The following CRB1 variants were observed in gnomAD, a reference collection of about 807,000 sequenced individuals.
CRB1 encodes protein crumbs homolog 1.
Under a neutral mutation model 120.0 loss-of-function variants are expected in CRB1, and 83 were observed. The observed-to-expected ratio is 0.69, with a 90% CI of 0.58 to 0.83. The LOEUF is 0.83. Ranked by LOEUF, CRB1 falls within the 40% of genes least tolerant of loss-of-function variation. The probability of loss-of-function intolerance (pLI) is 0.00; values close to 1 mark genes in which losing one functional copy is unlikely to be tolerated. For synonymous variants in CRB1, 625 were observed against 612.5 expected, an observed-to-expected ratio of 1.02 and a Z score of -0.30; for missense variants, 1,699 against 1,687.6, an observed-to-expected ratio of 1.01 and a Z score of -0.12.
At chr1:197,470,072 G>T (rs905983385) in intron 11 of CRB1, among the ~76,000 whole-genome samples, 1 of 152,202 alleles carries the variant, frequency 6.6e-6, no homozygotes, top group Non-Finnish European at 1.5e-5. Context: ...AAGAAGCTCT[G>T]TGTTGATAAA....
intron 5 of CRB1, among the ~76,000 whole-genome samples, chr1:197,361,561 T>A (rs1010911625): frequency 9.9e-5 from 15 of 152,108 alleles, no homozygotes; most frequent in Non-Finnish European, 1.5e-5. Flanking sequence ...TCATGTTGGA[T>A]GATTGTAGTG....
chr1:197,413,204 A>C (rs1663800041), intron 5 of CRB1, among the ~76,000 whole-genome samples: 1 of 152,164 alleles, frequency 6.6e-6, no homozygotes, highest in Admixed American at 6.5e-5. Flanking sequence ...AAAAAGAATC[A>C]CTTTTTTTGT....
chr1:197,471,888 A>C (rs769136857), intron 11 of CRB1, among the ~76,000 whole-genome samples: 7 of 152,218 alleles, frequency 4.6e-5, no homozygotes, highest in Non-Finnish European at 1.0e-4. Context: ...TCTACTTGTC[A>C]GAATAGCAAT....
At chr1:197,416,618 G>A (rs555710453) in intron 5 of CRB1, among the ~76,000 whole-genome samples, 1 of 152,234 alleles carries the variant, frequency 6.6e-6, no homozygotes, top group African/African-American at 2.4e-5. Context: ...AGTGAATTAT[G>A]AAAGAAATAA....
intron 11 of CRB1, among the ~76,000 whole-genome samples, chr1:197,464,078 C>T (rs933038783): frequency 1.1e-4 from 17 of 152,168 alleles, no homozygotes; most frequent in Non-Finnish European, 2.5e-4. Flanking sequence ...CTCAGGTCCA[C>T]CCCACAAAGA....
intron 11 of CRB1, among the ~76,000 whole-genome samples, chr1:197,459,374 T>C (rs1489762278): frequency 6.6e-6 from 1 of 152,096 alleles, no homozygotes; most frequent in Non-Finnish European, 1.5e-5. Flanking sequence ...AAAATGCCAT[T>C]GACTGGGTAA....
chr1:197,475,189 A>G lies in CRB1; in HGVS notation c.4006-2475A>G, dbSNP rs560653999. Among the ~76,000 whole-genome samples the G allele has an allele frequency of 1.1e-3, 172 of 152,282 alleles. 1 individual carries two copies. Among genetic ancestry groups the G allele is most frequent in the African/African-American group, 3.9e-3 (163 of 41,564 alleles). On this transcript the variant is annotated intron_variant, in intron 11 of 11. Coordinates refer to ENST00000367400, the MANE Select transcript of CRB1 (RefSeq NM_201253.3). ...AGATGGAGTAGTAAACATATTTCTA[A>G]TGATCTAATAGTACTATATTCTTGA...
intron 1 of CRB1, among the ~76,000 whole-genome samples, chr1:197,299,934 A>C (rs565275754): frequency 2.6e-5 from 4 of 151,872 alleles, no homozygotes; most frequent in African/African-American, 9.7e-5. Flanking sequence ...CAATATCTCA[A>C]ACTTTTTCAG....
chr1:197,380,486 A>G (rs764042455), intron 5 of CRB1, among the ~76,000 whole-genome samples: 2 of 152,148 alleles, frequency 1.3e-5, no homozygotes, highest in Non-Finnish European at 2.9e-5. Context: ...AGTATCTCTG[A>G]TTTCCCCACA....
chr1:197,343,551 T>C (rs993038283), intron 2 of CRB1, among the ~76,000 whole-genome samples: 26 of 152,234 alleles, frequency 1.7e-4, no homozygotes, highest in African/African-American at 5.3e-4. Context: ...AATTACATTG[T>C]CACCAGTTTT....
At chr1:197,239,048 C>T in the CRB1 span, among the ~76,000 whole-genome samples, 113 of 152,124 alleles carry the variant, frequency 7.4e-4, 1 homozygote, top group East Asian at 0.02. Flanking sequence ...TTCAGTTGTC[C>T]ATTTGCATAT....
chr1:197,255,926 G>A, the CRB1 span, among the ~76,000 whole-genome samples: 1 of 133,834 alleles, frequency 7.5e-6, no homozygotes, highest in Non-Finnish European at 1.6e-5. Flanking sequence ...ATTCCCAACA[G>A]CATTCAAATT....
At chr1:197,346,748 C>T (rs1394242722) in intron 3 of CRB1, among the ~76,000 whole-genome samples, 1 of 152,198 alleles carries the variant, frequency 6.6e-6, no homozygotes, top group Non-Finnish European at 1.5e-5. Flanking sequence ...TAATTCCAGT[C>T]ATTCCGTTAA....
chr1:197,279,517 T>A (rs1163252616), intron 1 of CRB1, among the ~76,000 whole-genome samples: 1 of 151,216 alleles, frequency 6.6e-6, no homozygotes, highest in African/African-American at 2.4e-5. Context: ...ATATCAAATT[T>A]TTTTTTGTTT....
chr1:197,334,334 T>C (rs1396056312), intron 2 of CRB1, among the ~76,000 whole-genome samples: 1 of 152,184 alleles, frequency 6.6e-6, no homozygotes, highest in African/African-American at 2.4e-5. Context: ...AGGTACTTGA[T>C]GATATGATTT....
At chr1:197,339,423 A>G (rs1297845487) in intron 2 of CRB1, among the ~76,000 whole-genome samples, 1 of 152,200 alleles carries the variant, frequency 6.6e-6, no homozygotes, top group Non-Finnish European at 1.5e-5. Context: ...AAAAGCCCCA[A>G]AATAGCATAC....
chr1:197,421,620 C>G lies in CRB1; in HGVS notation c.1792C>G (p.Pro598Ala). The change falls in exon 6 of 12, where the codon CCA becomes GCA. Residue 598 changes from proline (P) to alanine (A), a missense_variant. By Grantham distance (27) the Pro-to-Ala change is conservative. Coordinates refer to ENST00000367400, the MANE Select transcript of CRB1 (RefSeq NM_201253.3). ...KEKCIAKAPT[P>A]LESDQSICAF... ...GAAATGCATCGCGAAAGCTCCTACT[C>G]CACTTGAAAGTGATCAATCAATATG... 6.2e-7 allele frequency: 1 copy of G among 1,614,192 alleles called. No homozygotes were observed. Among genetic ancestry groups the G allele is most frequent in the Non-Finnish European group, 8.5e-7 (1 of 1,180,018 alleles).
chr1:197,264,266 A>G, upstream of CRB1, among the ~76,000 whole-genome samples: 1 of 152,156 alleles, frequency 6.6e-6, no homozygotes, highest in East Asian at 1.9e-4. Context: ...TTCAGATAAT[A>G]GCCTCCAGTT....
At chr1:197,258,510 C>T in the CRB1 span, among the ~76,000 whole-genome samples, 1 of 152,040 alleles carries the variant, frequency 6.6e-6, no homozygotes, top group Non-Finnish European at 1.5e-5. Flanking sequence ...ACTAAAAATC[C>T]CCTTCCTGAC....
Sources: gnomAD v4.1 joint callset for allele counts (sites outside exome capture counted in the v4.1 genomes callset) on GRCh38, gnomAD v4.1.1 for gene constraint, MANE v1.5 for transcripts, NCBI Gene and HGNC (gene_info 2026-07-23, HGNC 2026-07-21) for gene names.